The following PTPDC1 variants were observed in gnomAD, a reference collection of about 807,000 sequenced individuals.
The protein encoded by PTPDC1 is protein tyrosine phosphatase domain containing 1, also known as protein tyrosine phosphatase domain-containing protein 1.
In PTPDC1, 53 loss-of-function variants were observed where a neutral mutation model predicts 75.3. The ratio of observed to expected loss-of-function variants is 0.70; its 90% CI spans 0.56 to 0.88. PTPDC1 has a LOEUF of 0.88. Among genes scored for constraint, PTPDC1 ranks in the 40% least tolerant of loss-of-function variants. The pLI, the probability that PTPDC1 is intolerant of heterozygous loss-of-function variation, is 0.00. For missense variants in PTPDC1, 925 were observed against 998.6 expected, an observed-to-expected ratio of 0.93 and a Z score of 0.99; for synonymous variants, 349 against 366.2, an observed-to-expected ratio of 0.95 and a Z score of 0.54.
rs566669608 is a variant in PTPDC1 at position 94,086,546 on chromosome 9, A to G, written c.416+1124A>G. Among the ~76,000 whole-genome samples, 8 of 152,232 alleles carry G rather than the reference A, an allele frequency of 5.3e-5. No individual in the cohort carries two copies. The South Asian group carries it at 1.5e-3, about 28-fold the overall frequency. On this transcript the variant is annotated intron_variant, in intron 2 of 8. Coordinates refer to ENST00000620992, the MANE Select transcript of PTPDC1 (RefSeq NM_001253829.2). ...AGTCTCTGTTATTCCCCTGAGATTC[A>G]TGTGACCCACGACTTCCAACAGACT...
At chr9:94,038,578 C>T (rs970354490) in intron 1 of PTPDC1, among the ~76,000 whole-genome samples, 2 of 152,154 alleles carry the variant, frequency 1.3e-5, no homozygotes, top group African/African-American at 2.4e-5. Context: ...TTTACCCCTT[C>T]TAAAAATATA....
chr9:94,090,803 G>C (rs1184565731), intron 4 of PTPDC1, among the ~76,000 whole-genome samples: 8 of 125,674 alleles, frequency 6.4e-5, no homozygotes, highest in Non-Finnish European at 9.9e-5. Context: ...CACATCCCTT[G>C]TAAGTTGGAT....
chr9:94,102,991 TACACACACACAC>T (rs10624415), intron 7 of PTPDC1, among the ~76,000 whole-genome samples: 1 of 148,876 alleles, frequency 6.7e-6, no homozygotes, highest in Non-Finnish European at 1.5e-5. Context: ...CTGCTGTTAC[TACACACACACAC>T]ACACACACAC....
intron 2 of PTPDC1, among the ~76,000 whole-genome samples, chr9:94,070,895 T>G (rs1826493742): frequency 6.6e-6 from 1 of 152,200 alleles, no homozygotes; most frequent in South Asian, 2.1e-4. Context: ...TGTACCACAG[T>G]GTGTTTATCA....
At chr9:94,102,134 T>C (rs1005611071) in intron 7 of PTPDC1, among the ~76,000 whole-genome samples, 1 of 152,192 alleles carries the variant, frequency 6.6e-6, no homozygotes, top group East Asian at 1.9e-4. Flanking sequence ...TCTTAACGGA[T>C]ATGATGCTGT....
intron 1 of PTPDC1, among the ~76,000 whole-genome samples, chr9:94,057,264 T>C (rs1825972414): frequency 6.6e-6 from 1 of 151,976 alleles, no homozygotes; most frequent in African/African-American, 2.4e-5. Flanking sequence ...TTAATTTGTT[T>C]GTAGAGACAG....
At chr9:94,037,640 A>C (rs1825312506) in intron 1 of PTPDC1, among the ~76,000 whole-genome samples, 1 of 152,126 alleles carries the variant, frequency 6.6e-6, no homozygotes, top group African/African-American at 2.4e-5. Context: ...CTATTAATAA[A>C]TTACTGTACA....
intron 5 of PTPDC1, among the ~76,000 whole-genome samples, chr9:94,096,036 G>A (rs948190314): frequency 6.6e-5 from 10 of 152,192 alleles, no homozygotes. Flanking sequence ...GATTTTGTTT[G>A]TGAAGAAGAG....
intron 2 of PTPDC1, chr9:94,064,827 G>A (rs761383141): frequency 1.9e-6 from 3 of 1,603,606 alleles, no homozygotes; most frequent in Non-Finnish European, 8.5e-7. Flanking sequence ...GAAAGGTAAT[G>A]TCTCTTTAAT....
chr9:94,106,098 A>G (rs1454764815), intron 8 of PTPDC1, among the ~76,000 whole-genome samples: 2 of 152,204 alleles, frequency 1.3e-5, no homozygotes, highest in African/African-American at 2.4e-5. Flanking sequence ...AATCCTTACG[A>G]TTGGTCTCTC....
At position 94,098,280 on chromosome 9, in the gene PTPDC1, G is replaced by A. The variant is rs1275430472; in HGVS notation, c.1714G>A (p.Ala572Thr). Residue 572 changes from alanine to threonine, a missense_variant, in exon 6 of 9, where the codon GCT becomes ACT. Coordinates refer to ENST00000620992, the MANE Select transcript of PTPDC1 (RefSeq NM_001253829.2). The stretch of plus-strand genomic sequence containing the variant: ...AAATGTCCATAAGGATCCAAACCCT[G>A]CTCACCAGCAAGTGTCTCACTGTCA... ...FANVHKDPNP[A>T]HQQVSHCQCK... The A allele has an allele frequency of 1.2e-6, 2 of 1,614,070 alleles. No individual in the cohort carries two copies. Among genetic ancestry groups the A allele is most frequent in the Non-Finnish European group, 1.7e-6 (2 of 1,180,046 alleles).
At chr9:94,099,898 C>T (rs1421950398) in intron 6 of PTPDC1, among the ~76,000 whole-genome samples, 1 of 152,132 alleles carries the variant, frequency 6.6e-6, no homozygotes, top group Non-Finnish European at 1.5e-5. Context: ...TGAACACAGA[C>T]CTTTAATCAG....
At chr9:94,095,604 A>G in intron 5 of PTPDC1, 150 bp downstream of exon 5, 1 of 606,604 alleles carries the variant, frequency 1.6e-6, no homozygotes, top group South Asian at 2.2e-5. Context: ...GTTCTGTACC[A>G]CTGTAGGGTG....
intron 1 of PTPDC1, among the ~76,000 whole-genome samples, chr9:94,039,829 A>T (rs78129967): frequency 0.014 from 2,076 of 152,322 alleles, 33 homozygotes; most frequent in African/African-American, 0.047. Context: ...TTAGTTTACT[A>T]ATCTGTCTCT....
chr9:94,058,484 A>C (rs1028722318), intron 1 of PTPDC1, among the ~76,000 whole-genome samples: 5 of 151,940 alleles, frequency 3.3e-5, no homozygotes, highest in Non-Finnish European at 5.9e-5. Context: ...GGATCACTTG[A>C]AGTCAGGAGT....
At chr9:94,054,562 G>A (rs1419916427) in intron 1 of PTPDC1, among the ~76,000 whole-genome samples, 1 of 152,140 alleles carries the variant, frequency 6.6e-6, no homozygotes, top group East Asian at 1.9e-4. Context: ...AAGGGGCCAC[G>A]TTCCTGATAT....
intron 1 of PTPDC1, among the ~76,000 whole-genome samples, chr9:94,064,381 TTAA>T (rs1439163903): frequency 5.3e-5 from 8 of 152,178 alleles, no homozygotes; most frequent in African/African-American, 1.7e-4. Context: ...TAGAAATAAC[TTAA>T]TAAGTATAAT....
chr9:94,083,815 A>C (rs530549814), upstream of PTPDC1, among the ~76,000 whole-genome samples: 4 of 152,318 alleles, frequency 2.6e-5, no homozygotes, highest in African/African-American at 9.6e-5. Flanking sequence ...GGCTACTATA[A>C]CTGTCCAACA....
intron 1 of PTPDC1, among the ~76,000 whole-genome samples, chr9:94,036,359 T>G (rs1356212549): frequency 6.6e-6 from 1 of 152,164 alleles, no homozygotes; most frequent in African/African-American, 2.4e-5. Context: ...TATATAATTT[T>G]TGTAAGTGGT....
Sources: allele counts gnomAD v4.1 joint callset (sites outside exome capture counted in the v4.1 genomes callset), GRCh38; gene constraint gnomAD v4.1.1; transcripts MANE v1.5; gene names NCBI Gene and HGNC (gene_info 2026-07-23, HGNC 2026-07-21).